NTRK1: variants seen among roughly 807,000 people sequenced by gnomAD.
NTRK1 encodes the protein neurotrophic receptor tyrosine kinase 1.
In NTRK1, 62 loss-of-function variants were observed where a neutral mutation model predicts 86.8. That is an observed-to-expected ratio of 0.71 (90% CI 0.58 to 0.88). The LOEUF (loss-of-function observed/expected upper bound fraction) is 0.88, where lower values mean the gene tolerates loss of function less well. Among genes scored for constraint, NTRK1 ranks in the 40% least tolerant of loss-of-function variants. NTRK1 has a pLI of 0.00. For missense variants in NTRK1, 967 were observed against 1,078.4 expected, an observed-to-expected ratio of 0.90 and a Z score of 1.45; for synonymous variants, 469 against 456.6, an observed-to-expected ratio of 1.03 and a Z score of -0.35.
intron 1 of NTRK1, among the ~76,000 whole-genome samples, chr1:156,822,769 C>T (rs977280771): frequency 3.3e-5 from 5 of 152,186 alleles, no homozygotes; most frequent in African/African-American, 7.2e-5. Flanking sequence ...TCCAGACCTT[C>T]GTTGCTAAAA....
At chr1:156,870,047 G>C (rs542342173) in intron 6 of NTRK1, among the ~76,000 whole-genome samples, 1 of 152,352 alleles carries the variant, frequency 6.6e-6, no homozygotes, top group South Asian at 2.1e-4. Context: ...ACATGGTGGA[G>C]GGACAACTAG....
chr1:156,841,396 C>T (rs982617940), intron 1 of NTRK1: 4 of 1,613,728 alleles, frequency 2.5e-6, no homozygotes, highest in Admixed American at 1.7e-5. Context: ...TGACTCACAG[C>T]TGAAGGGGAC....
chr1:156,849,497 T>TGGGGGGGGGGGGG, intron 2 of NTRK1: 1 of 243,944 alleles, frequency 4.1e-6, no homozygotes, highest in Non-Finnish European at 7.8e-6. Flanking sequence ...TGCGGGGAGG[T>TGGGGGGGGGGGGG]GGGGGCAGGG....
rs762613259 is a variant in NTRK1 at position 156,846,533 on chromosome 1, C to T, written c.50+4340C>T. On this transcript the variant is annotated intron_variant, in intron 2 of 16. Transcript: ENST00000392302. ...CAAATGCCTACCTGCAGGCAGCGTT[C>T]GGAGGTAGACGATGGGACTCTGGGC... is the stretch of plus-strand genomic sequence containing the variant. 28 of 1,613,526 alleles carry T rather than the reference C, an allele frequency of 1.7e-5. No individual in the cohort carries two copies. Among genetic ancestry groups the T allele is most frequent in the Admixed American group, 1.0e-4 (6 of 59,994 alleles).
At position 156,853,820 on chromosome 1, in the gene NTRK1, G is replaced by A; in HGVS notation, c.51-10534G>A. On this transcript the variant is annotated intron_variant, in intron 2 of 16. Coordinates refer to the NTRK1 transcript ENST00000392302. The stretch of plus-strand genomic sequence containing the variant: ...CCCGCTGAAGGTGGTCTTGGCACAG[G>A]GCTCACCAGCAGCACCCAGCACACC... The A allele has an allele frequency of 6.2e-7, 1 of 1,613,598 alleles. No homozygotes were observed. Among genetic ancestry groups the A allele is most frequent in the Non-Finnish European group, 8.5e-7 (1 of 1,179,768 alleles).
intron 2 of NTRK1, chr1:156,852,251 C>T: frequency 6.8e-7 from 1 of 1,478,088 alleles, no homozygotes; most frequent in Non-Finnish European, 9.2e-7. Flanking sequence ...GCTGTCCTTC[C>T]AATGCTGGCC....
At chr1:156,852,770 T>G (rs1571671363) in intron 2 of NTRK1, among the ~76,000 whole-genome samples, 3 of 152,054 alleles carry the variant, frequency 2.0e-5, no homozygotes, top group Non-Finnish European at 4.4e-5. Context: ...ATCTGTGGGG[T>G]AGGGGTCAGC....
intron 2 of NTRK1, chr1:156,848,889 GC>G: frequency 2.0e-6 from 3 of 1,506,710 alleles, no homozygotes; most frequent in Non-Finnish European, 2.7e-6. Flanking sequence ...GTCCGGTCCC[GC>G]CCCCGCTCCG....
rs188542430 is a variant in NTRK1, at chr1:156,851,179, C to T, written c.50+8986C>T. 170 of 1,185,516 alleles carry T rather than the reference C, an allele frequency of 1.4e-4. No homozygotes were observed. The highest frequency in any genetic ancestry group is 7.6e-4 in the Middle Eastern group (4 of 5,242). The allele number at this position is 1,185,516 out of a possible 1,614,324, so 73.4% of individuals were successfully genotyped here. A position where few individuals can be genotyped will look rare whatever the true frequency, so the allele number is the denominator to read the frequency against. On this transcript the variant is annotated intron_variant, in intron 2 of 16. Coordinates refer to the NTRK1 transcript ENST00000392302. ...AGAAGTTAACCTACTTAGAGTCACA[C>T]GCCTAGTGAGTAGCAAAATTGGTTC... is the stretch of plus-strand genomic sequence containing the variant.
intron 16 of NTRK1, 135 bp from the exon 17 acceptor site, chr1:156,881,322 G>A (rs1003355438): frequency 2.1e-5 from 16 of 755,628 alleles, no homozygotes; most frequent in Middle Eastern, 3.0e-4. Flanking sequence ...GTGTCCATTC[G>A]GGTTATTAGC....
At chr1:156,862,661 C>A (rs754196046) in intron 1 of NTRK1, among the ~76,000 whole-genome samples, 1 of 152,054 alleles carries the variant, frequency 6.6e-6, no homozygotes, top group Non-Finnish European at 1.5e-5. Flanking sequence ...ATAATGGACT[C>A]GAATAGACAG....
chr1:156,821,766 C>G (rs754366954), intron 1 of NTRK1, among the ~76,000 whole-genome samples: 1 of 152,170 alleles, frequency 6.6e-6, no homozygotes, highest in Non-Finnish European at 1.5e-5. Context: ...TGAAATCACA[C>G]GTTGGAGTAA....
intron 1 of NTRK1, among the ~76,000 whole-genome samples, chr1:156,831,063 G>A (rs1459699193): frequency 6.6e-6 from 1 of 152,148 alleles, no homozygotes; most frequent in African/African-American, 2.4e-5. Context: ...GCCCTGAAAG[G>A]GCTCCCAAAT....
At chr1:156,823,000 C>G (rs1370478308) in intron 1 of NTRK1, among the ~76,000 whole-genome samples, 1 of 152,178 alleles carries the variant, frequency 6.6e-6, no homozygotes, top group Non-Finnish European at 1.5e-5. Flanking sequence ...CCTGTTGGTC[C>G]ACTGCATGAG....
chr1:156,840,797 T>A, intron 1 of NTRK1: 1 of 1,144,592 alleles, frequency 8.7e-7, no homozygotes, highest in Non-Finnish European at 1.3e-6. Context: ...GGGGTGAACA[T>A]TCAGGCGTCT....
intron 8 of NTRK1, 163 bp downstream of exon 8, chr1:156,874,122 C>G (rs1558104476): frequency 5.6e-6 from 5 of 895,822 alleles, no homozygotes; most frequent in Non-Finnish European, 8.7e-6. Context: ...TACCCTCTCC[C>G]CAAGCCAGGA....
chr1:156,853,791 T>C, intron 2 of NTRK1: 1 of 1,610,304 alleles, frequency 6.2e-7, no homozygotes, highest in Non-Finnish European at 8.5e-7. Flanking sequence ...CTGTAGTCAG[T>C]GTGCCCGCTG....
rs575781374 is a variant in NTRK1, at chr1:156,844,848, G to A, written c.50+2655G>A. ...CTGGAATACCATCAGCCTCTCCTGC[G>A]GGAAGGGGCATCCAGCAGCCGGGCC... is the stretch of plus-strand genomic sequence containing the variant. On this transcript the variant is annotated intron_variant, in intron 2 of 16. Coordinates refer to the NTRK1 transcript ENST00000392302. The A allele has an allele frequency of 9.0e-5, 146 of 1,613,870 alleles. No individual in the cohort carries two copies. The South Asian group carries it at 1.5e-3, about 17-fold the overall frequency.
intron 2 of NTRK1, chr1:156,844,354 A>C: frequency 6.5e-7 from 1 of 1,543,766 alleles, no homozygotes; most frequent in Non-Finnish European, 8.9e-7. Flanking sequence ...TTCTCTTTCC[A>C]TGCTGGGAGG....
Sources: allele counts gnomAD v4.1 joint callset (sites outside exome capture counted in the v4.1 genomes callset), GRCh38; gene constraint gnomAD v4.1.1; transcripts MANE v1.5; gene names NCBI Gene and HGNC (gene_info 2026-07-23, HGNC 2026-07-21).